Variants in AP3B1 observed in about 807,000 individuals in gnomAD.
AP3B1 encodes the protein adaptor related protein complex 3 subunit beta 1.
Under a neutral mutation model 132.5 loss-of-function variants are expected in AP3B1, and 61 were observed. That is an observed-to-expected ratio of 0.46 (90% CI 0.37 to 0.57). The LOEUF (loss-of-function observed/expected upper bound fraction) is 0.57, where lower values mean the gene tolerates loss of function less well. Ranked by LOEUF, AP3B1 falls within the 20% of genes least tolerant of loss-of-function variation. AP3B1 has a pLI of 0.00. For synonymous variants in AP3B1, 388 were observed against 438.3 expected (o/e 0.89, Z 1.43); for missense variants, 1,120 against 1,289.4 (o/e 0.87, Z 2.01).
chr5:78,146,141 C>T (rs952789905), intron 14 of AP3B1, among the ~76,000 whole-genome samples: 25 of 152,238 alleles, frequency 1.6e-4, no homozygotes, highest in South Asian at 2.1e-4. Flanking sequence ...GGTACTTGGT[C>T]GGATTAATAA....
chr5:78,159,455 T>C (rs1743297320), intron 13 of AP3B1, among the ~76,000 whole-genome samples: 1 of 152,190 alleles, frequency 6.6e-6, no homozygotes, highest in Non-Finnish European at 1.5e-5. Flanking sequence ...TCAACAGGGC[T>C]GCGTTCCCTC....
intron 13 of AP3B1, among the ~76,000 whole-genome samples, chr5:78,162,596 CA>C (rs1395941953): frequency 6.6e-6 from 1 of 151,596 alleles, no homozygotes; most frequent in Non-Finnish European, 1.5e-5. Flanking sequence ...TGCGGTAAAA[CA>C]AATACTACCT....
At chr5:78,151,441 T>C (rs1326229390) in intron 14 of AP3B1, among the ~76,000 whole-genome samples, 4 of 152,312 alleles carry the variant, frequency 2.6e-5, no homozygotes, top group Middle Eastern at 3.4e-3. Flanking sequence ...GTTTCAGAGC[T>C]TGGATGAAAG....
At chr5:78,259,795 C>T (rs897309977) in intron 2 of AP3B1, among the ~76,000 whole-genome samples, 7 of 151,750 alleles carry the variant, frequency 4.6e-5, no homozygotes, top group Non-Finnish European at 8.8e-5. Flanking sequence ...TGGTGAAACC[C>T]CAACTCTACT....
chr5:78,262,704 G>C (rs1748147365), intron 2 of AP3B1, among the ~76,000 whole-genome samples: 1 of 149,486 alleles, frequency 6.7e-6, no homozygotes, highest in African/African-American at 2.5e-5. Flanking sequence ...TTTTGAGACA[G>C]GGTTTTGAGA....
chr5:78,253,335 T>C (rs540434850), intron 2 of AP3B1, among the ~76,000 whole-genome samples: 2 of 152,310 alleles, frequency 1.3e-5, no homozygotes, highest in South Asian at 4.1e-4. Context: ...GAACATCTAC[T>C]TGCACCAACC....
intron 14 of AP3B1, among the ~76,000 whole-genome samples, chr5:78,144,981 G>A (rs1324272871): frequency 6.6e-6 from 1 of 152,106 alleles, no homozygotes; most frequent in South Asian, 2.1e-4. Context: ...TTACAGGCAT[G>A]AGCCACCATG....
chr5:78,068,889 G>A (rs539305459), intron 22 of AP3B1, among the ~76,000 whole-genome samples: 1 of 152,104 alleles, frequency 6.6e-6, no homozygotes, highest in African/African-American at 2.4e-5. Context: ...CCAGCAGCAC[G>A]TCAGAAAGCT....
chr5:78,065,985 C>G (rs965304792), intron 22 of AP3B1, among the ~76,000 whole-genome samples: 3 of 152,200 alleles, frequency 2.0e-5, no homozygotes, highest in Admixed American at 6.5e-5. Flanking sequence ...CTTTGCTGTT[C>G]TGTAGCCTCC....
intron 22 of AP3B1, among the ~76,000 whole-genome samples, chr5:78,054,194 TC>T (rs1748708703): frequency 6.6e-6 from 1 of 152,138 alleles, no homozygotes; most frequent in African/African-American, 2.4e-5. Context: ...AAACTGAAGT[TC>T]AGTGGAGGTG....
intron 22 of AP3B1, among the ~76,000 whole-genome samples, chr5:78,084,270 C>T (rs252759): frequency 0.17 from 26,179 of 151,828 alleles, 2,878 homozygotes; most frequent in Admixed American, 0.28. Context: ...CACTTGAGCC[C>T]AGGAGTTTGA....
At chr5:78,020,561 A>G in intron 25 of AP3B1, 131 bp downstream of exon 25, 4 of 723,564 alleles carry the variant, frequency 5.5e-6, no homozygotes, top group Non-Finnish European at 9.6e-6. Context: ...AGCATTAACA[A>G]AAATTGGAAG....
At chr5:78,116,262 A>G in intron 17 of AP3B1, 28 bp from the exon 18 acceptor site, 1 of 1,550,752 alleles carries the variant, frequency 6.4e-7, no homozygotes, top group Non-Finnish European at 8.9e-7. Flanking sequence ...GTAAATATAA[A>G]TGAATTCTCA....
chr5:78,239,047 A>G (rs1747001280), intron 3 of AP3B1, among the ~76,000 whole-genome samples: 1 of 151,950 alleles, frequency 6.6e-6, no homozygotes, highest in Non-Finnish European at 1.5e-5. Flanking sequence ...AAGACAAAAC[A>G]TATTAACAAA....
chr5:78,237,193 T>C (rs948177689), intron 3 of AP3B1, among the ~76,000 whole-genome samples: 2 of 152,196 alleles, frequency 1.3e-5, no homozygotes, highest in South Asian at 2.1e-4. Flanking sequence ...ATGCACTTCC[T>C]ATCTAATGAA....
intron 22 of AP3B1, among the ~76,000 whole-genome samples, chr5:78,061,711 ACC>A (rs1749067307): frequency 6.6e-6 from 1 of 152,170 alleles, no homozygotes; most frequent in Non-Finnish European, 1.5e-5. Flanking sequence ...GCATATTATC[ACC>A]CATTGACAAA....
At chr5:78,089,196 A>G in intron 22 of AP3B1, 197 bp downstream of exon 22, 1 of 522,972 alleles carries the variant, frequency 1.9e-6, no homozygotes, top group Non-Finnish European at 3.4e-6. Flanking sequence ...AAGTGTGGAC[A>G]ACAAGGGAAA....
chr5:78,048,404 G>C (rs1226730097), intron 22 of AP3B1, among the ~76,000 whole-genome samples: 2 of 152,094 alleles, frequency 1.3e-5, no homozygotes, highest in Non-Finnish European at 2.9e-5. Context: ...CTATTTTCTA[G>C]AAACACATTC....
intron 14 of AP3B1, among the ~76,000 whole-genome samples, chr5:78,145,784 G>C (rs1377416186): frequency 6.6e-6 from 1 of 152,090 alleles, no homozygotes; most frequent in East Asian, 1.9e-4. Context: ...GTGTATAGTG[G>C]GACATTTTCC....
Sources: gnomAD v4.1 joint callset for allele counts (sites outside exome capture counted in the v4.1 genomes callset) on GRCh38, gnomAD v4.1.1 for gene constraint, MANE v1.5 for transcripts, NCBI Gene and HGNC (gene_info 2026-07-23, HGNC 2026-07-21) for gene names.